Variants in FAM20B observed in about 807,000 individuals in gnomAD.
FAM20B encodes the protein glycosaminoglycan xylosylkinase.
Under a neutral mutation model 43.8 loss-of-function variants are expected in FAM20B, and 23 were observed. That is an observed-to-expected ratio of 0.53 (90% CI 0.38 to 0.74). The LOEUF (loss-of-function observed/expected upper bound fraction) is 0.74, where lower values mean the gene tolerates loss of function less well. Among genes scored for constraint, FAM20B ranks in the 30% least tolerant of loss-of-function variants. FAM20B has a pLI of 0.00. For missense variants in FAM20B, 440 were observed against 510.5 expected (o/e 0.86, Z 1.33); for synonymous variants, 178 against 192.4 (o/e 0.93, Z 0.62).
chr1:179,041,230 C>T (rs1023558692), intron 1 of FAM20B, among the ~76,000 whole-genome samples: 2 of 151,702 alleles, frequency 1.3e-5, no homozygotes, highest in Non-Finnish European at 2.9e-5. Flanking sequence ...CAGGCAGAGA[C>T]GCTCCTCACT....
intron 1 of FAM20B, among the ~76,000 whole-genome samples, chr1:179,030,895 GTGTGTGTGTGTGTT>G (rs1306188996): frequency 6.7e-6 from 1 of 150,108 alleles, no homozygotes. Flanking sequence ...AAAAAAAAAT[GTGTGTGTGTGTGTT>G]TGTGTGTGTG....
chr1:179,050,834 G>C (rs1650976034), intron 3 of FAM20B, among the ~76,000 whole-genome samples: 1 of 152,116 alleles, frequency 6.6e-6, no homozygotes, highest in Non-Finnish European at 1.5e-5. Context: ...AATTACAAAA[G>C]GAAAGGGCCA....
At chr1:179,065,509 GTTAACAT>G (rs1651654364) in intron 6 of FAM20B, among the ~76,000 whole-genome samples, 1 of 152,216 alleles carries the variant, frequency 6.6e-6, no homozygotes, top group South Asian at 2.1e-4. Context: ...GGTCACTACT[GTTAACAT>G]TGGTTGTTGG....
At chr1:179,057,619 A>T (rs958771553) in intron 4 of FAM20B, among the ~76,000 whole-genome samples, 2 of 152,192 alleles carry the variant, frequency 1.3e-5, no homozygotes, top group Non-Finnish European at 2.9e-5. Context: ...AAAACTACTA[A>T]TTGTTAGCCA....
intron 4 of FAM20B, among the ~76,000 whole-genome samples, chr1:179,058,333 G>A (rs1180273090): frequency 6.6e-6 from 1 of 152,186 alleles, no homozygotes; most frequent in Non-Finnish European, 1.5e-5. Context: ...TTTGCTCCCT[G>A]CCATCATAAT....
At chr1:179,050,201 G>C (rs774403516) in intron 2 of FAM20B, 78 bp from the exon 3 acceptor site, 3 of 960,644 alleles carry the variant, frequency 3.1e-6, no homozygotes, top group African/African-American at 3.2e-5. Context: ...TTGCTAATGG[G>C]TGTATTCTAC....
At chr1:179,025,755 G>A (rs1211864799), upstream of FAM20B, 1 of 151,654 alleles carries the variant, frequency 6.6e-6, no homozygotes, top group Non-Finnish European at 1.5e-5. Context: ...AGGTTAAGGG[G>A]GGCAGTCCGG....
chr1:179,031,549 A>G (rs1216166789), intron 1 of FAM20B, among the ~76,000 whole-genome samples: 2 of 152,240 alleles, frequency 1.3e-5, no homozygotes, highest in Non-Finnish European at 2.9e-5. Flanking sequence ...TCCAGCAAGA[A>G]AGACTACCTT....
intron 4 of FAM20B, 95 bp from the exon 5 acceptor site, chr1:179,063,832 T>G (rs1231454927): frequency 5.0e-6 from 4 of 807,204 alleles, no homozygotes; most frequent in Non-Finnish European, 7.8e-6. Flanking sequence ...TTCACCATGC[T>G]TATTTACTTA....
intron 4 of FAM20B, among the ~76,000 whole-genome samples, chr1:179,055,956 T>C (rs1651199351): frequency 6.6e-6 from 1 of 152,216 alleles, no homozygotes; most frequent in South Asian, 2.1e-4. Flanking sequence ...CTTGTTGTTA[T>C]TGTTGTGTTT....
intron 1 of FAM20B, among the ~76,000 whole-genome samples, chr1:179,036,172 C>T (rs1650219131): frequency 6.6e-6 from 1 of 152,068 alleles, no homozygotes; most frequent in African/African-American, 2.4e-5. Context: ...CCGTAGCAAG[C>T]CCCATATAGC....
At chr1:179,058,217 A>G (rs12128939) in intron 4 of FAM20B, among the ~76,000 whole-genome samples, 9,020 of 152,296 alleles carry the variant, frequency 0.059, 333 homozygotes, top group South Asian at 0.12. Context: ...ATTTCAAACT[A>G]TGATTATAAA....
chr1:179,021,362 C>T (rs1350663484), upstream of FAM20B, among the ~76,000 whole-genome samples: 1 of 152,174 alleles, frequency 6.6e-6, no homozygotes, highest in African/African-American at 2.4e-5. Flanking sequence ...GTGGTACCAT[C>T]CTAGGCATAT....
rs925474501 is a variant in FAM20B at position 179,074,137 on chromosome 1, T to G, written c.*1993T>G. 2 of 152,624 alleles carry G rather than the reference T, an allele frequency of 1.3e-5. No homozygotes were observed. The highest frequency in any genetic ancestry group is 4.8e-5 in the African/African-American group (2 of 41,448). 9.5% of individuals were successfully genotyped at this position (152,624 alleles called of 1,614,324 possible). A position where few individuals can be genotyped will look rare whatever the true frequency, so the allele number is the denominator to read the frequency against. On this transcript the variant is annotated 3_prime_UTR_variant, in exon 8 of 8. Coordinates refer to ENST00000263733, the MANE Select transcript of FAM20B (RefSeq NM_014864.4). The stretch of plus-strand genomic sequence containing the variant: ...GTAACTATTTTTAAATGGCATGAAA[T>G]TAGGAAACTTTTGTACATTTTATAT...
rs755801392 is a variant in FAM20B, at chr1:179,054,572, G to C, written c.508G>C (p.Val170Leu). Residue 170 changes from valine to leucine, a missense_variant, in exon 4 of 8, where the codon GTT becomes CTT. By Grantham distance (32) the Val-to-Leu change is conservative (BLOSUM62 1). Coordinates refer to ENST00000263733, the MANE Select transcript of FAM20B (RefSeq NM_014864.4). ...HRAPLVVGRFVNLRTEIKPVA... is the reference protein window; with the variant it reads ...HRAPLVVGRFLNLRTEIKPVA... ...AGCCCCCTTGGTAGTTGGCAGATTT[G>C]TTAATCTTCGGACAGAGATCAAACC... is the stretch of plus-strand genomic sequence containing the variant. 6.2e-7 allele frequency: 1 copy of C among 1,613,218 alleles called. No homozygotes were observed. The highest frequency in any genetic ancestry group is 1.1e-5 in the South Asian group (1 of 91,012).
intron 2 of FAM20B, among the ~76,000 whole-genome samples, chr1:179,048,711 A>C (rs1263674690): frequency 6.6e-6 from 1 of 152,348 alleles, no homozygotes; most frequent in South Asian, 2.1e-4. Flanking sequence ...AATCCTTTGC[A>C]CTAGGAACAA....
At chr1:179,054,660 T>G (rs751941232) in intron 4 of FAM20B, 22 bp downstream of exon 4, 2 of 1,397,978 alleles carry the variant, frequency 1.4e-6, no homozygotes, top group South Asian at 2.4e-5. Flanking sequence ...GTAGAGGACA[T>G]TTATATAGGG....
intron 1 of FAM20B, among the ~76,000 whole-genome samples, chr1:179,027,088 G>C (rs1174126252): frequency 1.3e-5 from 2 of 152,244 alleles, no homozygotes; most frequent in African/African-American, 2.4e-5. Flanking sequence ...TCCCCACCCA[G>C]CCAGCTTCCC....
At chr1:179,018,610 A>G in the FAM20B span, among the ~76,000 whole-genome samples, 4 of 152,184 alleles carry the variant, frequency 2.6e-5, no homozygotes, top group East Asian at 5.8e-4. Context: ...CCCGGCCCCA[A>G]AGATCTTTTA....
Sources: allele counts gnomAD v4.1 joint callset (sites outside exome capture counted in the v4.1 genomes callset), GRCh38; gene constraint gnomAD v4.1.1; transcripts MANE v1.5; gene names NCBI Gene and HGNC (gene_info 2026-07-23, HGNC 2026-07-21).